The following NCF2 variants were observed in gnomAD, a reference collection of about 807,000 sequenced individuals.
The protein encoded by NCF2 is neutrophil cytosol factor 2.
NCF2 carries 45 observed loss-of-function variants against 70.9 expected under a neutral mutation model. That is an observed-to-expected ratio of 0.63 (90% CI 0.50 to 0.81). The LOEUF is 0.81. NCF2 is among the 40% of genes least tolerant of loss of function. The pLI is 0.00. For missense variants in NCF2, 522 were observed against 631.6 expected (o/e 0.83, Z 1.86); for synonymous variants, 203 against 233.6 (o/e 0.87, Z 1.19).
At chr1:183,572,179 T>TTTA (rs1218978986) in intron 5 of NCF2, among the ~76,000 whole-genome samples, 3 of 152,094 alleles carry the variant, frequency 2.0e-5, no homozygotes, top group Non-Finnish European at 2.9e-5. Flanking sequence ...AAGACTTGGA[T>TTTA]TTATTATTAT....
chr1:183,581,760 C>T (rs529061828), intron 2 of NCF2, among the ~76,000 whole-genome samples: 3 of 152,120 alleles, frequency 2.0e-5, no homozygotes, highest in Non-Finnish European at 4.4e-5. Flanking sequence ...GCTCCGCCTC[C>T]CGGTTCACGC....
intron 6 of NCF2, among the ~76,000 whole-genome samples, chr1:183,570,202 C>T (rs141378178): frequency 1.1e-4 from 16 of 152,374 alleles, no homozygotes; most frequent in African/African-American, 2.9e-4. Context: ...GTTTTCCCCT[C>T]TTTCCTTCAC....
intron 6 of NCF2, 151 bp from the exon 7 acceptor site, chr1:183,569,336 G>A (rs1672445516): frequency 1.3e-6 from 1 of 762,704 alleles, no homozygotes; most frequent in Non-Finnish European, 2.3e-6. Flanking sequence ...TCTAGGAAGA[G>A]GGCACAGTCA....
intron 5 of NCF2, among the ~76,000 whole-genome samples, chr1:183,571,179 G>A (rs902603333): frequency 4.9e-5 from 7 of 144,118 alleles, no homozygotes; most frequent in Middle Eastern, 3.6e-3. Context: ...GTGCAGTGGC[G>A]TGATCTCAGC....
intron 2 of NCF2, among the ~76,000 whole-genome samples, chr1:183,578,927 A>C (rs1672927214): frequency 6.6e-6 from 1 of 152,220 alleles, no homozygotes; most frequent in African/African-American, 2.4e-5. Context: ...TGGGAGCAGC[A>C]GGCATAAGCT....
chr1:183,567,054 C>A, intron 8 of NCF2, 66 bp from the exon 9 acceptor site: 4 of 1,609,000 alleles, frequency 2.5e-6, no homozygotes, highest in Non-Finnish European at 3.4e-6. Context: ...ACCCACACCA[C>A]AGAACAGCCC....
upstream of NCF2, among the ~76,000 whole-genome samples, chr1:183,593,080 G>A (rs1167974378): frequency 2.0e-5 from 3 of 151,848 alleles, no homozygotes; most frequent in African/African-American, 4.8e-5. Flanking sequence ...CTCCTTCTCC[G>A]CACCTCCCAT....
At chr1:183,584,300 A>G (rs754891399) in intron 2 of NCF2, among the ~76,000 whole-genome samples, 18 of 152,240 alleles carry the variant, frequency 1.2e-4, no homozygotes, top group Non-Finnish European at 2.5e-4. Context: ...AAAAGGGAAA[A>G]GGGTCAAGAA....
Position 183,555,638 on chromosome 1 carries a change from C to G in NCF2, c.*480G>C, listed in dbSNP as rs563118156. ...TAAGGTTACTTCAAGCCTTAAGAGCCAATTACAGTAATGGTTCAGAAACAG... is the reference window on the plus strand; with the variant it reads ...TAAGGTTACTTCAAGCCTTAAGAGCGAATTACAGTAATGGTTCAGAAACAG... On this transcript the variant is annotated 3_prime_UTR_variant, in exon 15 of 15. Transcript: ENST00000367535. 5 of 175,638 alleles carry G rather than the reference C, an allele frequency of 2.8e-5. No individual in the cohort carries two copies. The South Asian group carries it at 6.3e-4, about 22-fold the overall frequency. The allele number at this position is 175,638 out of a possible 1,614,324, so 10.9% of individuals were successfully genotyped here. A position where few individuals can be genotyped will look rare whatever the true frequency, so the allele number is the denominator to read the frequency against.
the NCF2 span, among the ~76,000 whole-genome samples, chr1:183,598,408 C>T: frequency 3.9e-5 from 6 of 151,992 alleles, no homozygotes; most frequent in South Asian, 4.2e-4. Flanking sequence ...CTCAGGAATA[C>T]GGAGATGAGG....
intron 2 of NCF2, among the ~76,000 whole-genome samples, 180 bp downstream of exon 2, chr1:183,586,714 GC>G (rs890873286): frequency 3.3e-5 from 5 of 152,140 alleles, no homozygotes; most frequent in African/African-American, 1.2e-4. Context: ...GACCTGCCTT[GC>G]CTCCCCAGTG....
At chr1:183,586,207 G>T (rs1196691176) in intron 2 of NCF2, among the ~76,000 whole-genome samples, 2 of 152,200 alleles carry the variant, frequency 1.3e-5, no homozygotes, top group Non-Finnish European at 2.9e-5. Flanking sequence ...GGTGGCGCAT[G>T]CCTGTAGTCC....
At chr1:183,567,647 C>T in intron 7 of NCF2, 1 of 457,250 alleles carries the variant, frequency 2.2e-6, no homozygotes, top group Non-Finnish European at 4.1e-6. Flanking sequence ...AGGTCCCTGG[C>T]TGTGTCATCT....
chr1:183,556,052 G>A lies in NCF2; in HGVS notation c.*66C>T, dbSNP rs945407069. 3.9e-6 allele frequency: 5 copies of A among 1,268,792 alleles called. No individual in the cohort carries two copies. The East Asian group carries it at 1.2e-4, about 29-fold the overall frequency. The allele number at this position is 1,268,792 out of a possible 1,614,324, so 78.6% of individuals were successfully genotyped here. On this transcript the variant is annotated 3_prime_UTR_variant, in exon 15 of 15. Transcript: ENST00000367535. The stretch of plus-strand genomic sequence containing the variant: ...GTCTCAGTACAGTATACAGCAGAAG[G>A]GTGCTAAATCTTACAAACAAGTAAT...
At chr1:183,581,077 G>A (rs1209900280) in intron 2 of NCF2, among the ~76,000 whole-genome samples, 1 of 151,430 alleles carries the variant, frequency 6.6e-6, no homozygotes, top group Non-Finnish European at 1.5e-5. Context: ...TTAAAGACAG[G>A]GTGGACCCGC....
intron 13 of NCF2, among the ~76,000 whole-genome samples, chr1:183,560,824 C>T (rs1347770854): frequency 1.3e-5 from 2 of 152,166 alleles, no homozygotes; most frequent in African/African-American, 2.4e-5. Flanking sequence ...CTTACTGAAA[C>T]CTTACAATAA....
chr1:183,582,879 C>T (rs1382624956), intron 2 of NCF2, among the ~76,000 whole-genome samples: 2 of 152,152 alleles, frequency 1.3e-5, no homozygotes, highest in Non-Finnish European at 2.9e-5. Context: ...ATCCCTGAGA[C>T]TCTGCTTGCC....
rs370204795 is a variant in NCF2, at chr1:183,560,289, G to A, written c.1291-16C>T. 1.5e-4 allele frequency: 245 copies of A among 1,613,924 alleles called. No individual in the cohort carries two copies. Among genetic ancestry groups the A allele is most frequent in the Non-Finnish European group, 2.0e-4 (234 of 1,179,952 alleles). Reference sequence around the variant, plus strand: ...CTTGGTCACCCTGAAATAATAAAGGGCCTGTTAATTTTCCCAATTTCCTGC... The same window carrying A: ...CTTGGTCACCCTGAAATAATAAAGGACCTGTTAATTTTCCCAATTTCCTGC... On this transcript the variant is annotated splice_polypyrimidine_tract_variant and intron_variant, in intron 13 of 14. Transcript: ENST00000367535.
intron 2 of NCF2, among the ~76,000 whole-genome samples, chr1:183,581,856 C>A (rs1011539246): frequency 8.5e-5 from 13 of 152,048 alleles, no homozygotes; most frequent in South Asian, 6.2e-4. Context: ...TTTAGTAGAG[C>A]CAGGGTTTCA....
Sources: gnomAD v4.1 joint callset for allele counts (sites outside exome capture counted in the v4.1 genomes callset) on GRCh38, gnomAD v4.1.1 for gene constraint, MANE v1.5 for transcripts, NCBI Gene and HGNC (gene_info 2026-07-23, HGNC 2026-07-21) for gene names.